UGT1A8: variants seen among roughly 807,000 people sequenced by gnomAD.
UGT1A8 encodes UDP-glucuronosyltransferase 1A8.
A neutral mutation model predicts 45.3 loss-of-function variants in UGT1A8; 39 were observed. The ratio of observed to expected loss-of-function variants is 0.86; its 90% CI spans 0.67 to 1.12. The LOEUF (loss-of-function observed/expected upper bound fraction) is 1.12. UGT1A8 is among the 50% of genes most tolerant of loss of function. UGT1A8 has a pLI of 0.00. For missense variants in UGT1A8, 719 were observed against 664.9 expected (o/e 1.08, Z -0.90); for synonymous variants, 275 against 249.2 (o/e 1.10, Z -0.97).
At chr2:233,620,860 G>A (rs943404392) in intron 1 of UGT1A8, among the ~76,000 whole-genome samples, 13 of 152,188 alleles carry the variant, frequency 8.5e-5, no homozygotes, top group Admixed American at 8.5e-4. Flanking sequence ...TCTGGGAAAA[G>A]CATGCAGTTG....
Position 233,648,891 on chromosome 2 carries a change from G to A in UGT1A8, c.855+30329G>A, listed in dbSNP as rs187998939. 6,845 of 1,309,004 alleles carry A rather than the reference G, an allele frequency of 5.2e-3. 96 individuals are homozygous for A. The highest frequency in any genetic ancestry group is 6.8e-3 in the Non-Finnish European group (6,299 of 922,844). 81.1% of individuals were successfully genotyped at this position (1,309,004 alleles called of 1,614,324 possible). A position where few individuals can be genotyped will look rare whatever the true frequency, so the allele number is the denominator to read the frequency against. ...CTGAAATTCTCCAAACACCTGTCATGGCATATGATCTCTACAGCCACACAT... is the reference window on the plus strand; with the variant it reads ...CTGAAATTCTCCAAACACCTGTCATAGCATATGATCTCTACAGCCACACAT... On this transcript the variant is annotated intron_variant, in intron 1 of 4. Coordinates refer to ENST00000373450, the MANE Select transcript of UGT1A8 (RefSeq NM_019076.5).
intron 1 of UGT1A8, among the ~76,000 whole-genome samples, chr2:233,720,100 C>T (rs1458548805): frequency 2.0e-5 from 3 of 152,132 alleles, no homozygotes; most frequent in African/African-American, 7.2e-5. Flanking sequence ...TTAGTGGTCC[C>T]ATCTTGCGAA....
intron 1 of UGT1A8, among the ~76,000 whole-genome samples, chr2:233,671,493 G>C (rs982648139): frequency 5.3e-5 from 8 of 152,192 alleles, no homozygotes; most frequent in Non-Finnish European, 1.2e-4. Context: ...TTTGCTTAGA[G>C]CATGAGTTGC....
At chr2:233,717,742 G>C (rs956280434) in intron 1 of UGT1A8, 27 of 456,394 alleles carry the variant, frequency 5.9e-5, no homozygotes, top group Non-Finnish European at 1.1e-4. Context: ...GAGTGCTCAG[G>C]GTCTCCCCCT....
At chr2:233,636,651 G>A (rs775062453) in intron 1 of UGT1A8, 24 of 1,613,990 alleles carry the variant, frequency 1.5e-5, no homozygotes, top group Middle Eastern at 1.6e-4. Context: ...CCATGCAGTC[G>A]GTGGTGGAGA....
At chr2:233,682,471 A>G (rs201980156) in intron 1 of UGT1A8, 1 of 1,613,916 alleles carries the variant, frequency 6.2e-7, no homozygotes, top group East Asian at 2.2e-5. Flanking sequence ...ACTATCTTGA[A>G]GAAGGTGCAC....
At chr2:233,650,054 T>A (rs901238120) in intron 1 of UGT1A8, among the ~76,000 whole-genome samples, 3 of 152,330 alleles carry the variant, frequency 2.0e-5, no homozygotes, top group Non-Finnish European at 4.4e-5. Flanking sequence ...CACCACAACC[T>A]CTGCCTCCTG....
chr2:233,656,883 C>A (rs887557294), intron 1 of UGT1A8, among the ~76,000 whole-genome samples: 1 of 151,980 alleles, frequency 6.6e-6, no homozygotes, highest in African/African-American at 2.4e-5. Flanking sequence ...TGCAGATAAA[C>A]ACGCACATGC....
At chr2:233,688,000 T>G (rs2074873432) in intron 1 of UGT1A8, among the ~76,000 whole-genome samples, 1 of 152,242 alleles carries the variant, frequency 6.6e-6, no homozygotes, top group African/African-American at 2.4e-5. Flanking sequence ...TTCTGTGTGC[T>G]CCCAGATACA....
At chr2:233,618,585 C>T in intron 1 of UGT1A8, 23 bp downstream of exon 1, 2 of 1,585,096 alleles carry the variant, frequency 1.3e-6, no homozygotes, top group Non-Finnish European at 8.6e-7. Context: ...TCCTTTAGCA[C>T]ATTAGGAATA....
chr2:233,719,241 C>T (rs754909283), intron 1 of UGT1A8: 36 of 1,614,058 alleles, frequency 2.2e-5, no homozygotes, highest in Middle Eastern at 3.3e-4. Flanking sequence ...GATCAGGCAC[C>T]TGAATGCTAC....
chr2:233,695,585 C>T (rs1169249848), intron 1 of UGT1A8, among the ~76,000 whole-genome samples: 1 of 151,918 alleles, frequency 6.6e-6, no homozygotes, highest in African/African-American at 2.4e-5. Flanking sequence ...CCTACTTACC[C>T]TTTCCACCTT....
chr2:233,764,106 T>G (rs966057827), intron 1 of UGT1A8, among the ~76,000 whole-genome samples: 1 of 152,214 alleles, frequency 6.6e-6, no homozygotes, highest in Non-Finnish European at 1.5e-5. Flanking sequence ...AAATACAAAA[T>G]TCTTGGTAAA....
Position 233,657,265 on chromosome 2 carries a change from G to A in UGT1A8, c.855+38703G>A, listed in dbSNP as rs28969700. Among the ~76,000 whole-genome samples, 1,445 of 151,850 alleles carry A rather than the reference G, an allele frequency of 9.5e-3. 24 individuals are homozygous for A. The highest frequency in any genetic ancestry group is 0.033 in the African/African-American group (1,354 of 41,406). The stretch of plus-strand genomic sequence containing the variant: ...AAGCACCTGGCGGTTTAGTTTTTTT[G>A]TGTTGCTCTAAAGGAATACCTGGGG... On this transcript the variant is annotated intron_variant, in intron 1 of 4. Coordinates refer to ENST00000373450, the MANE Select transcript of UGT1A8 (RefSeq NM_019076.5).
chr2:233,728,580 C>A (rs28898616), intron 1 of UGT1A8, among the ~76,000 whole-genome samples: 1 of 152,188 alleles, frequency 6.6e-6, no homozygotes, highest in African/African-American at 2.4e-5. Flanking sequence ...GTGCGAAAAA[C>A]GACCAAAACC....
chr2:233,725,201 GGCA>G (rs1432389183), intron 1 of UGT1A8, among the ~76,000 whole-genome samples: 1 of 92,970 alleles, frequency 1.1e-5, no homozygotes, highest in Non-Finnish European at 1.9e-5. Context: ...CAGAGGCAGA[GGCA>G]GAGGCAGAGG....
At chr2:233,640,852 G>T (rs1324227390) in intron 1 of UGT1A8, among the ~76,000 whole-genome samples, 3 of 152,144 alleles carry the variant, frequency 2.0e-5, no homozygotes, top group Non-Finnish European at 4.4e-5. Flanking sequence ...GCTATGTCAG[G>T]GGGGAAATGT....
At chr2:233,645,364 C>A (rs1376788777) in intron 1 of UGT1A8, among the ~76,000 whole-genome samples, 1 of 152,172 alleles carries the variant, frequency 6.6e-6, no homozygotes, top group Non-Finnish European at 1.5e-5. Context: ...CCTCCCAAAT[C>A]TCATGTCCTC....
At position 233,618,072 on chromosome 2, in the gene UGT1A8, C is replaced by T. The variant is rs267599267; in HGVS notation, c.365C>T (p.Ser122Leu). ...SSNGFFNLFF[S>L]HCRSLFNDRK... is the part of the protein sequence containing the mutation. ...AATGGTTTTTTTAACTTATTTTTTT[C>T]GCATTGCAGGAGTTTGTTTAATGAC... Residue 122 changes from serine to leucine, a missense_variant, in exon 1 of 5, where the codon TCG becomes TTG. Transcript: ENST00000373450. 3.1e-6 allele frequency: 5 copies of T among 1,613,660 alleles called. No individual in the cohort carries two copies. Among genetic ancestry groups the T allele is most frequent in the South Asian group, 2.2e-5 (2 of 91,008 alleles).
Sources: allele counts gnomAD v4.1 joint callset (sites outside exome capture counted in the v4.1 genomes callset), GRCh38; gene constraint gnomAD v4.1.1; transcripts MANE v1.5; gene names NCBI Gene and HGNC (gene_info 2026-07-23, HGNC 2026-07-21).